Variants in BICC1 observed in about 807,000 individuals in gnomAD.
BICC1 encodes the protein protein bicaudal C homolog 1.
In BICC1, 43 loss-of-function variants were observed where a neutral mutation model predicts 111.0. The ratio of observed to expected loss-of-function variants is 0.39; its 90% CI spans 0.30 to 0.50. The LOEUF is 0.50. Among genes scored for constraint, BICC1 ranks in the 20% least tolerant of loss-of-function variants. BICC1 has a pLI of 0.88. For synonymous variants in BICC1, 467 were observed against 434.4 expected (o/e 1.07, Z -0.93); for missense variants, 1,091 against 1,203.2 (o/e 0.91, Z 1.38).
At chr10:58,653,652 C>A (rs1235706170) in intron 2 of BICC1, among the ~76,000 whole-genome samples, 1 of 149,728 alleles carries the variant, frequency 6.7e-6, no homozygotes, top group Admixed American at 6.8e-5. Context: ...CAGGGCAGTG[C>A]ACATCCTTTT....
intron 1 of BICC1, among the ~76,000 whole-genome samples, chr10:58,590,123 A>G (rs940760814): frequency 6.6e-6 from 1 of 152,174 alleles, no homozygotes; most frequent in African/African-American, 2.4e-5. Flanking sequence ...TACTAAATTC[A>G]TTGAGCATGG....
At chr10:58,669,273 G>A (rs1839109936) in intron 2 of BICC1, among the ~76,000 whole-genome samples, 1 of 151,844 alleles carries the variant, frequency 6.6e-6, no homozygotes, top group Admixed American at 6.6e-5. Context: ...GGGTTCCAAA[G>A]GATTTTGGAT....
At chr10:58,668,756 G>A (rs999321983) in intron 2 of BICC1, among the ~76,000 whole-genome samples, 1 of 151,930 alleles carries the variant, frequency 6.6e-6, no homozygotes, top group Non-Finnish European at 1.5e-5. Flanking sequence ...TACTAATGGT[G>A]CATCTAGTTC....
At chr10:58,657,503 T>C (rs1415486946) in intron 2 of BICC1, among the ~76,000 whole-genome samples, 2 of 152,112 alleles carry the variant, frequency 1.3e-5, no homozygotes, top group African/African-American at 4.8e-5. Flanking sequence ...TACACTGTGA[T>C]TGAGAGTAGT....
At chr10:58,823,139 C>A in intron 20 of BICC1, 1 of 605,318 alleles carries the variant, frequency 1.7e-6, no homozygotes, top group Non-Finnish European at 2.1e-6. Flanking sequence ...TGTACAGGGA[C>A]TCAGTGAAAG....
chr10:58,605,233 T>G (rs1845171203), intron 1 of BICC1, among the ~76,000 whole-genome samples: 1 of 152,064 alleles, frequency 6.6e-6, no homozygotes, highest in Non-Finnish European at 1.5e-5. Context: ...AGTTTAAAAA[T>G]GAAATAGTAT....
At chr10:58,700,502 C>T (rs1168255500) in intron 2 of BICC1, among the ~76,000 whole-genome samples, 1 of 152,156 alleles carries the variant, frequency 6.6e-6, no homozygotes, top group African/African-American at 2.4e-5. Context: ...AGAGAAGCAG[C>T]AGCCGGGGCC....
At chr10:58,700,692 A>T (rs1221564264) in intron 2 of BICC1, among the ~76,000 whole-genome samples, 1 of 152,114 alleles carries the variant, frequency 6.6e-6, no homozygotes, top group Admixed American at 6.5e-5. Context: ...GAGCAGTACA[A>T]TGCCATGATG....
intron 8 of BICC1, among the ~76,000 whole-genome samples, chr10:58,790,663 T>G (rs1450277963): frequency 6.6e-6 from 1 of 152,070 alleles, no homozygotes; most frequent in Non-Finnish European, 1.5e-5. Context: ...CCATTTCTAC[T>G]AAAAATATAA....
rs936738465 is a variant in BICC1 at position 58,768,639 on chromosome 10, T to C, written c.308-16362T>C. On this transcript the variant is annotated intron_variant, in intron 3 of 20. Coordinates refer to ENST00000373886, the MANE Select transcript of BICC1 (RefSeq NM_001080512.3). The stretch of plus-strand genomic sequence containing the variant: ...AAGACAAAAGTATTAAAAATAACTA[T>C]AGCTACACCAATGTTAATGGAGACA... 2.6e-5 allele frequency among the ~76,000 whole-genome samples: 4 copies of C among 152,110 alleles called. No individual in the cohort carries two copies. The South Asian group carries it at 6.2e-4, about 24-fold the overall frequency.
In BICC1 at chr10:58,742,431, ATTTTTTT is replaced by A. The variant is rs554670544; in HGVS notation, c.307+40306_307+40312del. Among the ~76,000 whole-genome samples the A allele has an allele frequency of 2.5e-3, 233 of 94,170 alleles. 1 individual carries two copies. Among genetic ancestry groups the A allele is most frequent in the Non-Finnish European group, 3.0e-3 (155 of 51,300 alleles). 61.8% of individuals were successfully genotyped at this position (94,170 alleles called of 152,430 possible). On this transcript the variant is annotated intron_variant, in intron 3 of 20. Transcript: ENST00000373886. The stretch of plus-strand genomic sequence containing the variant: ...GCCATGAGGTCATGTGTATGCTTTA[ATTTTTTT>A]TTTTTTTTTTTTTTTTTGAGATGGA...
chr10:58,759,685 C>T (rs56033692), intron 3 of BICC1, among the ~76,000 whole-genome samples: 69,873 of 151,956 alleles, frequency 0.46, 16,287 homozygotes, highest in Admixed American at 0.57. Context: ...GCAGGCCTGG[C>T]GCGGTGGCTC....
chr10:58,636,009 T>A (rs996449820), intron 2 of BICC1, among the ~76,000 whole-genome samples: 7 of 152,224 alleles, frequency 4.6e-5, no homozygotes, highest in Admixed American at 4.6e-4. Flanking sequence ...CTTGTTTTGT[T>A]CTCTTGTTAT....
At chr10:58,708,015 T>TTTTTG (rs56958435) in intron 3 of BICC1, among the ~76,000 whole-genome samples, 2 of 145,350 alleles carry the variant, frequency 1.4e-5, no homozygotes, top group Non-Finnish European at 3.0e-5. Flanking sequence ...TTTTTTTTTT[T>TTTTTG]GTATTTTTAG....
chr10:58,662,799 A>G (rs1353420387), intron 2 of BICC1, among the ~76,000 whole-genome samples: 1 of 152,220 alleles, frequency 6.6e-6, no homozygotes, highest in Non-Finnish European at 1.5e-5. Context: ...CAATCTGGTA[A>G]GAAAGGAAAA....
intron 17 of BICC1, among the ~76,000 whole-genome samples, chr10:58,813,564 G>A (rs761514436): frequency 7.9e-5 from 12 of 152,202 alleles, no homozygotes; most frequent in East Asian, 7.7e-4. Flanking sequence ...TATTTATCCC[G>A]GAGGCTCTCA....
intron 1 of BICC1, among the ~76,000 whole-genome samples, chr10:58,521,622 A>ATT (rs1440995586): frequency 6.6e-6 from 1 of 151,280 alleles, no homozygotes; most frequent in African/African-American, 2.4e-5. Flanking sequence ...ATTAGAAAGC[A>ATT]ATTGAATTAC....
intron 1 of BICC1, among the ~76,000 whole-genome samples, chr10:58,514,016 G>A (rs762019960): frequency 2.0e-5 from 3 of 152,156 alleles, no homozygotes; most frequent in Non-Finnish European, 4.4e-5. Flanking sequence ...CCTATGCTAT[G>A]GGTGTCTGAC....
At chr10:58,722,884 T>C (rs1840983877) in intron 3 of BICC1, among the ~76,000 whole-genome samples, 1 of 151,862 alleles carries the variant, frequency 6.6e-6, no homozygotes, top group Admixed American at 6.6e-5. Flanking sequence ...TAGAGGAAAT[T>C]AGAGGGTGGT....
Sources: allele counts gnomAD v4.1 joint callset (sites outside exome capture counted in the v4.1 genomes callset), GRCh38; gene constraint gnomAD v4.1.1; transcripts MANE v1.5; gene names NCBI Gene and HGNC (gene_info 2026-07-23, HGNC 2026-07-21).